The following MTUS2 variants were observed in gnomAD, a reference collection of about 807,000 sequenced individuals.
The protein encoded by MTUS2 is microtubule associated scaffold protein 2, also known as microtubule-associated tumor suppressor candidate 2.
In MTUS2, 40 loss-of-function variants were observed where a neutral mutation model predicts 114.1. The observed-to-expected ratio is 0.35, with a 90% CI of 0.27 to 0.46. The LOEUF is 0.46. Ranked by LOEUF, MTUS2 falls within the 20% of genes least tolerant of loss-of-function variation. The pLI is 1.00. For synonymous variants in MTUS2, 688 were observed against 672.0 expected (o/e 1.02, Z -0.37); for missense variants, 1,679 against 1,705.4 (o/e 0.98, Z 0.27).
chr13:29,367,374 A>G (rs1870806551), intron 8 of MTUS2, among the ~76,000 whole-genome samples: 1 of 152,110 alleles, frequency 6.6e-6, no homozygotes, highest in African/African-American at 2.4e-5. Context: ...AGCTTTGGTG[A>G]TGATGATGGT....
rs1879256764 is a variant in MTUS2, at chr13:28,896,234, A to G, written c.-243+56384A>G. Among the ~76,000 whole-genome samples, 3 of 152,344 alleles carry G rather than the reference A, an allele frequency of 2.0e-5. 1 individual carries two copies. The highest frequency in any genetic ancestry group is 7.2e-5 in the African/African-American group (3 of 41,590). On this transcript the variant is annotated intron_variant, in intron 2 of 15. Transcript: ENST00000612955. ...ACTCTATAATCAATGTGCAAAAATC[A>G]CAAGCATTCTTATACACCAATAACA... is the stretch of plus-strand genomic sequence containing the variant.
chr13:28,834,570 CAAT>C (rs980324484), intron 1 of MTUS2, among the ~76,000 whole-genome samples: 10 of 151,886 alleles, frequency 6.6e-5, no homozygotes, highest in African/African-American at 2.4e-4. Context: ...AAATATAAAA[CAAT>C]AAGTCTCAGG....
intron 5 of MTUS2, among the ~76,000 whole-genome samples, chr13:29,229,069 T>G (rs979334231): frequency 8.5e-5 from 13 of 152,174 alleles, no homozygotes; most frequent in Admixed American, 3.9e-4. Flanking sequence ...CTGAGGGGCT[T>G]CTTCACTGAG....
chr13:29,501,448 A>G (rs966175660), intron 15 of MTUS2, among the ~76,000 whole-genome samples: 3 of 152,148 alleles, frequency 2.0e-5, no homozygotes, highest in African/African-American at 4.8e-5. Flanking sequence ...CAGCACTGGG[A>G]GGGGAAGGGG....
chr13:28,845,497 C>G (rs182137205), intron 2 of MTUS2, among the ~76,000 whole-genome samples: 82 of 152,210 alleles, frequency 5.4e-4, no homozygotes, highest in African/African-American at 1.8e-3. Context: ...TAGTCTTTTG[C>G]TTATTCTTTC....
chr13:29,460,372 C>T (rs989827671), intron 9 of MTUS2, among the ~76,000 whole-genome samples: 2 of 152,142 alleles, frequency 1.3e-5, no homozygotes, highest in Non-Finnish European at 2.9e-5. Context: ...TGGTTCTCCC[C>T]CAACCCCCAA....
chr13:29,087,828 G>A (rs760729318), intron 4 of MTUS2, among the ~76,000 whole-genome samples: 8 of 152,154 alleles, frequency 5.3e-5, no homozygotes, highest in East Asian at 1.9e-4. Context: ...GTAGGCTGAG[G>A]CAGGCGGATC....
At chr13:29,433,602 C>G (rs1055812314) in intron 8 of MTUS2, among the ~76,000 whole-genome samples, 1 of 152,158 alleles carries the variant, frequency 6.6e-6, no homozygotes, top group Non-Finnish European at 1.5e-5. Context: ...TGGATCTGGC[C>G]AATCTTCATA....
intron 4 of MTUS2, among the ~76,000 whole-genome samples, chr13:29,089,422 C>CT (rs1164958602): frequency 6.6e-6 from 1 of 152,258 alleles, no homozygotes; most frequent in African/African-American, 2.4e-5. Flanking sequence ...AATCTGATGA[C>CT]TATGTGCTTT....
intron 5 of MTUS2, among the ~76,000 whole-genome samples, chr13:29,222,156 CTATT>C (rs1376954859): frequency 6.6e-6 from 1 of 152,160 alleles, no homozygotes; most frequent in East Asian, 1.9e-4. Context: ...AGTTCAGGAA[CTATT>C]TATTTAAGTT....
intron 2 of MTUS2, among the ~76,000 whole-genome samples, chr13:28,950,743 T>C (rs1005304959): frequency 6.6e-6 from 1 of 152,096 alleles, no homozygotes; most frequent in Non-Finnish European, 1.5e-5. Context: ...AATAGTAACA[T>C]CAAAGATCTC....
rs550273187 is a variant in MTUS2, at chr13:29,498,310, C to T, written c.3679-108C>T. The T allele has an allele frequency of 4.8e-5, 72 of 1,490,130 alleles. 1 individual carries two copies. The African/African-American group carries it at 6.6e-4, about 14-fold the overall frequency. The allele number at this position is 1,490,130 out of a possible 1,614,324, so 92.3% of individuals were successfully genotyped here. A position where few individuals can be genotyped will look rare whatever the true frequency, so the allele number is the denominator to read the frequency against. ...CTCTCTTTGGTGTTGCAGTTGCCAT[C>T]AGGGCGCTTGTCCCAGGAGGATAGA... is the stretch of plus-strand genomic sequence containing the variant. On this transcript the variant is annotated intron_variant, in intron 13 of 15. Transcript: ENST00000612955.
At chr13:28,826,699 A>C (rs542187453) in intron 1 of MTUS2, among the ~76,000 whole-genome samples, 1 of 152,366 alleles carries the variant, frequency 6.6e-6, no homozygotes, top group East Asian at 1.9e-4. Flanking sequence ...GTAATAAGGC[A>C]AATACATTTG....
chr13:28,991,200 A>G (rs1039023503), intron 2 of MTUS2, among the ~76,000 whole-genome samples: 6 of 152,206 alleles, frequency 3.9e-5, no homozygotes, highest in Admixed American at 3.9e-4. Flanking sequence ...ATGTTAAGGT[A>G]TGCAGTTAGG....
intron 2 of MTUS2, among the ~76,000 whole-genome samples, chr13:28,940,106 G>A (rs1882144595): frequency 6.6e-6 from 1 of 152,130 alleles, no homozygotes; most frequent in Non-Finnish European, 1.5e-5. Context: ...TGAGATTTGG[G>A]TGAGGACACA....
chr13:29,180,570 C>T (rs1177606737), intron 5 of MTUS2, among the ~76,000 whole-genome samples: 2 of 152,196 alleles, frequency 1.3e-5, no homozygotes, highest in African/African-American at 4.8e-5. Context: ...TCTATACCCT[C>T]AGATAAATCT....
intron 11 of MTUS2, among the ~76,000 whole-genome samples, chr13:29,490,883 C>G (rs1882013501): frequency 6.6e-6 from 1 of 152,178 alleles, no homozygotes; most frequent in South Asian, 2.1e-4. Flanking sequence ...TGTTAATTAC[C>G]TAGTTATTTT....
chr13:28,860,461 C>T (rs1409555458), intron 2 of MTUS2, among the ~76,000 whole-genome samples: 4 of 152,174 alleles, frequency 2.6e-5, no homozygotes, highest in African/African-American at 9.7e-5. Context: ...TTTCAGACTC[C>T]TCATGTGAAA....
At chr13:29,388,338 T>C (rs1444198066) in intron 8 of MTUS2, among the ~76,000 whole-genome samples, 2 of 151,932 alleles carry the variant, frequency 1.3e-5, no homozygotes, top group Non-Finnish European at 2.9e-5. Context: ...ACCTGATTAA[T>C]TTTGTGGGTA....
Sources: gnomAD v4.1 joint callset for allele counts (sites outside exome capture counted in the v4.1 genomes callset) on GRCh38, gnomAD v4.1.1 for gene constraint, MANE v1.5 for transcripts, NCBI Gene and HGNC (gene_info 2026-07-23, HGNC 2026-07-21) for gene names.